RARB: variants seen among roughly 807,000 people sequenced by gnomAD.
The protein encoded by RARB is retinoic acid receptor beta, also known as HBV-activated protein.
A neutral mutation model predicts 51.9 loss-of-function variants in RARB; 17 were observed. That is an observed-to-expected ratio of 0.33 (90% CI 0.22 to 0.49). The LOEUF (loss-of-function observed/expected upper bound fraction) is 0.49. RARB is among the 20% of genes least tolerant of loss of function. RARB has a pLI of 0.99. For missense variants in RARB, 369 were observed against 550.8 expected (o/e 0.67, Z 3.30); for synonymous variants, 215 against 195.4 (o/e 1.10, Z -0.84).
intron 5 of RARB, among the ~76,000 whole-genome samples, chr3:25,322,117 T>C (rs1356418032): frequency 1.3e-5 from 2 of 151,156 alleles, no homozygotes; most frequent in African/African-American, 4.9e-5. Flanking sequence ...TAGCGCAGCA[T>C]TGGGTCTGGA....
At chr3:25,473,480 G>T (rs979829267) in intron 2 of RARB, among the ~76,000 whole-genome samples, 59 of 150,994 alleles carry the variant, frequency 3.9e-4, no homozygotes, top group African/African-American at 1.4e-3. Flanking sequence ...GTCCTGCCTG[G>T]ATTTCTGGCA....
chr3:24,921,576 C>G (rs9846880), intron 2 of RARB, among the ~76,000 whole-genome samples: 70,632 of 151,882 alleles, frequency 0.47, 17,138 homozygotes, highest in African/African-American at 0.6. Context: ...CTCTTCAGAT[C>G]AACCTTTCTT....
intron 2 of RARB, among the ~76,000 whole-genome samples, chr3:24,942,368 G>C (rs1328533494): frequency 2.6e-5 from 4 of 152,144 alleles, no homozygotes; most frequent in African/African-American, 4.8e-5. Flanking sequence ...ATGGGCCTTA[G>C]GGTTTATTTA....
intron 3 of RARB, among the ~76,000 whole-genome samples, chr3:25,074,476 C>T (rs1698831310): frequency 6.6e-6 from 1 of 152,194 alleles, no homozygotes; most frequent in South Asian, 2.1e-4. Context: ...TGTTCTCCCT[C>T]AGTGTCTCTG....
intron 5 of RARB, among the ~76,000 whole-genome samples, chr3:25,353,330 C>T (rs1408860644): frequency 6.6e-6 from 1 of 152,126 alleles, no homozygotes; most frequent in East Asian, 1.9e-4. Flanking sequence ...ATAGAGTCTG[C>T]CACGTAGTAG....
At chr3:25,342,973 A>T (rs1705275840) in intron 5 of RARB, among the ~76,000 whole-genome samples, 1 of 150,324 alleles carries the variant, frequency 6.7e-6, no homozygotes, top group African/African-American at 2.5e-5. Flanking sequence ...GGAGGGGAAA[A>T]GTATTCATAA....
Position 25,397,772 on chromosome 3 carries a change from T to C in RARB, c.179-63421T>C, listed in dbSNP as rs77076751. 5.1e-3 allele frequency among the ~76,000 whole-genome samples: 771 copies of C among 152,246 alleles called. 18 individuals carry two copies. The East Asian group carries it at 0.062, about 12-fold the overall frequency. ...AAATTCTTTGTACAAATTCAGGTAATGCATTTAGCCTCAGTGGGCCTTAAT... is the reference window on the plus strand; with the variant it reads ...AAATTCTTTGTACAAATTCAGGTAACGCATTTAGCCTCAGTGGGCCTTAAT... On this transcript the variant is annotated intron_variant, in intron 5 of 11. Coordinates refer to the RARB transcript ENST00000383772.
intron 1 of RARB, among the ~76,000 whole-genome samples, chr3:25,432,342 A>G (rs1269216208): frequency 6.6e-6 from 1 of 152,226 alleles, no homozygotes; most frequent in Non-Finnish European, 1.5e-5. Flanking sequence ...TCAAAAAACT[A>G]AACAGTAGAA....
At chr3:25,565,823 C>T (rs951481946) in intron 3 of RARB, among the ~76,000 whole-genome samples, 1 of 152,148 alleles carries the variant, frequency 6.6e-6, no homozygotes. Context: ...CTCCTTCCCA[C>T]CAAGCCCACC....
intron 5 of RARB, among the ~76,000 whole-genome samples, chr3:25,290,316 A>T (rs1216874174): frequency 1.3e-5 from 2 of 152,178 alleles, no homozygotes; most frequent in Non-Finnish European, 2.9e-5. Context: ...CACAGGCATG[A>T]ACTGGGGGAA....
At position 24,893,648 on chromosome 3, in the gene RARB, G is replaced by A. The variant is rs544995839; in HGVS notation, c.-380+34896G>A. Among the ~76,000 whole-genome samples, 5 of 151,996 alleles carry A rather than the reference G, an allele frequency of 3.3e-5. No homozygotes were observed. The East Asian group carries it at 9.7e-4, about 29-fold the overall frequency. ...TCCTCCTGTCTCTACCTCCTGAGTA[G>A]CTAGAAGTACAGATGTGCAACAGCA... is the stretch of plus-strand genomic sequence containing the variant. On this transcript the variant is annotated intron_variant, in intron 2 of 11. Transcript: ENST00000383772.
chr3:25,155,919 C>T (rs1298930394), intron 4 of RARB, among the ~76,000 whole-genome samples: 4 of 152,198 alleles, frequency 2.6e-5, no homozygotes, highest in South Asian at 2.1e-4. Flanking sequence ...TTTTCCTTAA[C>T]TTAAAACCCC....
rs1057015838 is a variant in RARB, at chr3:25,066,109, A to G, written c.-328+5933A>G. 3.3e-5 allele frequency among the ~76,000 whole-genome samples: 5 copies of G among 152,190 alleles called. No homozygotes were observed. The East Asian group carries it at 5.8e-4, about 18-fold the overall frequency. On this transcript the variant is annotated intron_variant, in intron 3 of 11. Transcript: ENST00000383772. ...AGATTCCCTTATTACTGTGATGTCT[A>G]AAGAAGCTGCTGCCCTTTCATTTTA... is the stretch of plus-strand genomic sequence containing the variant.
At chr3:25,050,286 A>AGCT (rs149603370) in intron 2 of RARB, among the ~76,000 whole-genome samples, 9,335 of 152,162 alleles carry the variant, frequency 0.061, 480 homozygotes, top group East Asian at 0.19. Flanking sequence ...TGTCAAGGTG[A>AGCT]GCTGCTTTCA....
chr3:25,083,736 C>G (rs1699054308), intron 3 of RARB, among the ~76,000 whole-genome samples: 1 of 152,072 alleles, frequency 6.6e-6, no homozygotes, highest in African/African-American at 2.4e-5. Flanking sequence ...TGTTGGGACT[C>G]TGGGTTGTAT....
intron 2 of RARB, among the ~76,000 whole-genome samples, chr3:24,942,809 A>G (rs1372848109): frequency 1.3e-5 from 2 of 152,198 alleles, no homozygotes; most frequent in African/African-American, 4.8e-5. Flanking sequence ...TTTTTTCTCT[A>G]TTAACTTATG....
At chr3:25,165,222 C>T (rs1168068746) in intron 4 of RARB, among the ~76,000 whole-genome samples, 1 of 152,120 alleles carries the variant, frequency 6.6e-6, no homozygotes, top group South Asian at 2.1e-4. Flanking sequence ...TACTGTGACT[C>T]TTTTTGTCTC....
chr3:25,130,111 CA>C (rs1462745402), intron 3 of RARB, among the ~76,000 whole-genome samples: 1 of 151,950 alleles, frequency 6.6e-6, no homozygotes, highest in Non-Finnish European at 1.5e-5. Context: ...AAGACTGTGC[CA>C]TAGGACAAAC....
At chr3:25,192,752 G>T (rs547708854) in intron 5 of RARB, among the ~76,000 whole-genome samples, 3 of 152,090 alleles carry the variant, frequency 2.0e-5, no homozygotes, top group South Asian at 4.1e-4. Context: ...GACAAAACTT[G>T]TTCTGTTGAA....
Sources: gnomAD v4.1 joint callset for allele counts (sites outside exome capture counted in the v4.1 genomes callset) on GRCh38, gnomAD v4.1.1 for gene constraint, MANE v1.5 for transcripts, NCBI Gene and HGNC (gene_info 2026-07-23, HGNC 2026-07-21) for gene names.